Variants in SNTG1 observed in about 807,000 individuals in gnomAD.
SNTG1 encodes the protein gamma-1-syntrophin.
SNTG1 carries 39 observed loss-of-function variants against 74.7 expected under a neutral mutation model. That is an observed-to-expected ratio of 0.52 (90% CI 0.40 to 0.68). The LOEUF (loss-of-function observed/expected upper bound fraction) is 0.68, where lower values mean the gene tolerates loss of function less well. SNTG1 is among the 30% of genes least tolerant of loss of function. The pLI is 0.00. For synonymous variants in SNTG1, 254 were observed against 217.1 expected (o/e 1.17, Z -1.49); for missense variants, 685 against 609.5 (o/e 1.12, Z -1.30).
At chr8:50,125,897 G>C (rs1338907562) in intron 1 of SNTG1, among the ~76,000 whole-genome samples, 1 of 152,194 alleles carries the variant, frequency 6.6e-6, no homozygotes. Context: ...CCTGCATATG[G>C]AATGCTATGT....
intron 1 of SNTG1, among the ~76,000 whole-genome samples, chr8:49,987,107 G>GT (rs1339905636): frequency 6.6e-6 from 1 of 152,120 alleles, no homozygotes; most frequent in Non-Finnish European, 1.5e-5. Flanking sequence ...TAACATGTTG[G>GT]TTTCCATGAG....
At chr8:50,506,032 G>C (rs547682194) in intron 9 of SNTG1, among the ~76,000 whole-genome samples, 1 of 151,944 alleles carries the variant, frequency 6.6e-6, no homozygotes, top group Non-Finnish European at 1.5e-5. Flanking sequence ...TTTATACATA[G>C]TATAAGGTAA....
chr8:49,928,389 C>T (rs1433414415), intron 1 of SNTG1, among the ~76,000 whole-genome samples: 2 of 151,776 alleles, frequency 1.3e-5, no homozygotes, highest in East Asian at 3.9e-4. Context: ...CACCACCGTG[C>T]CCAGCCAATT....
intron 4 of SNTG1, among the ~76,000 whole-genome samples, chr8:50,422,841 C>T (rs914258215): frequency 6.6e-5 from 10 of 152,194 alleles, no homozygotes; most frequent in Admixed American, 2.6e-4. Flanking sequence ...GGCTCCTCTA[C>T]TCTTCCCTAG....
At chr8:50,258,555 CTAAT>C (rs1400117868) in intron 2 of SNTG1, among the ~76,000 whole-genome samples, 1 of 151,926 alleles carries the variant, frequency 6.6e-6, no homozygotes, top group Non-Finnish European at 1.5e-5. Context: ...ATGATAATAT[CTAAT>C]TAACTAGAGA....
intron 17 of SNTG1, among the ~76,000 whole-genome samples, chr8:50,729,198 T>G (rs2095507072): frequency 6.6e-6 from 1 of 152,296 alleles, no homozygotes; most frequent in South Asian, 2.1e-4. Context: ...GTGGCTTGGC[T>G]CATCCCTGAT....
At chr8:49,935,204 T>G (rs1056944735) in intron 1 of SNTG1, among the ~76,000 whole-genome samples, 1 of 77,200 alleles carries the variant, frequency 1.3e-5, no homozygotes, top group African/African-American at 5.6e-5. Context: ...CAAGCAGAAG[T>G]GTGTGTGTGT....
intron 2 of SNTG1, among the ~76,000 whole-genome samples, chr8:50,369,130 G>A (rs1313189286): frequency 6.6e-6 from 1 of 152,094 alleles, no homozygotes; most frequent in Non-Finnish European, 1.5e-5. Flanking sequence ...TGGATTTGGG[G>A]GAACCAAGGG....
At chr8:50,360,099 G>T (rs2091917877) in intron 2 of SNTG1, among the ~76,000 whole-genome samples, 2 of 151,776 alleles carry the variant, frequency 1.3e-5, no homozygotes, top group Non-Finnish European at 1.5e-5. Flanking sequence ...TTATTAACTG[G>T]TCTAACAGTT....
intron 1 of SNTG1, among the ~76,000 whole-genome samples, chr8:50,122,478 G>T (rs868605953): frequency 1.4e-5 from 2 of 141,572 alleles, no homozygotes; most frequent in Admixed American, 7.3e-5. Context: ...AGCTGTGACT[G>T]CACTCAGCCC....
intron 1 of SNTG1, among the ~76,000 whole-genome samples, chr8:49,982,145 C>T (rs1812736727): frequency 6.6e-6 from 1 of 152,040 alleles, no homozygotes; most frequent in Admixed American, 6.6e-5. Context: ...CATGAAATCA[C>T]TTATAAAAAG....
intron 2 of SNTG1, among the ~76,000 whole-genome samples, chr8:50,248,920 T>C (rs2086519871): frequency 6.6e-6 from 1 of 152,106 alleles, no homozygotes; most frequent in South Asian, 2.1e-4. Flanking sequence ...GCTTACAAAG[T>C]GACTAGAAAG....
chr8:50,618,797 A>G (rs2392703), intron 13 of SNTG1, among the ~76,000 whole-genome samples: 6,482 of 152,218 alleles, frequency 0.043, 246 homozygotes, highest in African/African-American at 0.094. Context: ...GGGGCCCTGT[A>G]TATATAGAGT....
chr8:50,685,280 C>T (rs2095347705), intron 15 of SNTG1, among the ~76,000 whole-genome samples: 1 of 152,136 alleles, frequency 6.6e-6, no homozygotes, highest in South Asian at 2.1e-4. Flanking sequence ...ATGCTAGTGA[C>T]ATGAGAGACG....
chr8:50,058,759 T>A (rs539012332), intron 1 of SNTG1, among the ~76,000 whole-genome samples: 1 of 152,086 alleles, frequency 6.6e-6, no homozygotes, highest in South Asian at 2.1e-4. Flanking sequence ...TGTGTGTGTG[T>A]GTGTATGTGT....
In SNTG1 at chr8:50,379,406, G is replaced by T. The variant is rs1304859079; in HGVS notation, c.-27-14806G>T. ...TCACAGCTGCAGTTGGGCAGCTGCA[G>T]TTGTGCCGATGGGGGGTCAGGGGCA... is the stretch of plus-strand genomic sequence containing the variant. On this transcript the variant is annotated intron_variant, in intron 2 of 18. Coordinates refer to ENST00000642720, the MANE Select transcript of SNTG1 (RefSeq NM_018967.5). 5.3e-5 allele frequency among the ~76,000 whole-genome samples: 8 copies of T among 152,184 alleles called. No individual in the cohort carries two copies. In the East Asian group the frequency reaches 1.4e-3, roughly 26 times the overall value.
chr8:50,036,698 G>T (rs1249006805), intron 1 of SNTG1, among the ~76,000 whole-genome samples: 1 of 152,152 alleles, frequency 6.6e-6, no homozygotes, highest in East Asian at 1.9e-4. Flanking sequence ...GATTTATTAT[G>T]TATAAATGTA....
At chr8:49,916,772 G>A (rs974182118) in intron 1 of SNTG1, among the ~76,000 whole-genome samples, 6 of 151,888 alleles carry the variant, frequency 4.0e-5, no homozygotes, top group African/African-American at 7.3e-5. Flanking sequence ...TTGGGATACC[G>A]AGGCAAGAGG....
At chr8:50,250,827 A>T (rs1162870416) in intron 2 of SNTG1, among the ~76,000 whole-genome samples, 1 of 152,134 alleles carries the variant, frequency 6.6e-6, no homozygotes, top group Admixed American at 6.5e-5. Flanking sequence ...CACAATTAAA[A>T]TGACCTTATT....
Sources: allele counts gnomAD v4.1 joint callset (sites outside exome capture counted in the v4.1 genomes callset), GRCh38; gene constraint gnomAD v4.1.1; transcripts MANE v1.5; gene names NCBI Gene and HGNC (gene_info 2026-07-23, HGNC 2026-07-21).